Variants in ERC2 observed in about 807,000 individuals in gnomAD.
ERC2 encodes the protein ERC protein 2.
A neutral mutation model predicts 114.8 loss-of-function variants in ERC2; 42 were observed. The observed-to-expected ratio is 0.37, with a 90% CI of 0.29 to 0.47. ERC2 has a LOEUF of 0.47. Ranked by LOEUF, ERC2 falls within the 20% of genes least tolerant of loss-of-function variation. The pLI is 0.99. For synonymous variants in ERC2, 454 were observed against 425.5 expected, an observed-to-expected ratio of 1.07 and a Z score of -0.82; for missense variants, 939 against 1,150.7, an observed-to-expected ratio of 0.82 and a Z score of 2.66.
chr3:56,103,874 C>T (rs1030890179), intron 6 of ERC2, among the ~76,000 whole-genome samples: 4 of 151,770 alleles, frequency 2.6e-5, no homozygotes, highest in Admixed American at 6.6e-5. Flanking sequence ...GAGGAGTTTG[C>T]CAGGACTTAG....
chr3:55,727,224 T>C (rs1374970536), intron 15 of ERC2, among the ~76,000 whole-genome samples: 1 of 152,210 alleles, frequency 6.6e-6, no homozygotes, highest in Non-Finnish European at 1.5e-5. Flanking sequence ...GGTGGTAATT[T>C]TCTTATATTT....
chr3:56,255,305 C>T (rs1005547039), intron 3 of ERC2, among the ~76,000 whole-genome samples: 104 of 152,328 alleles, frequency 6.8e-4, no homozygotes, highest in African/African-American at 2.4e-3. Context: ...ACCCCCACCA[C>T]GGACTCCAAC....
At position 55,729,860 on chromosome 3, in the gene ERC2, AAAAAAT is replaced by A. The variant is rs1161684342; in HGVS notation, c.2712+4905_2712+4910del. Among the ~76,000 whole-genome samples, 1,186 of 147,656 alleles carry A rather than the reference AAAAAAT, an allele frequency of 8.0e-3. 39 individuals carry two copies. The highest frequency in any genetic ancestry group is 0.028 in the African/African-American group (1,107 of 39,182). On this transcript the variant is annotated intron_variant, in intron 15 of 17. Coordinates refer to ENST00000288221, the MANE Select transcript of ERC2 (RefSeq NM_015576.3). ...CGCAAAAAAAAAAAAAAAAAAAAAA[AAAAAAT>A]TGTAAGCTACACAAGGAAGCGGTCT...
At chr3:55,524,655 A>C (rs967847974) in intron 17 of ERC2, among the ~76,000 whole-genome samples, 3 of 152,152 alleles carry the variant, frequency 2.0e-5, no homozygotes, top group African/African-American at 7.2e-5. Context: ...AGTTGTCATA[A>C]ATTTTTGGAA....
Position 55,734,825 on chromosome 3 carries a change from T to C in ERC2, c.2658A>G (p.Glu886=). The C allele has an allele frequency of 1.2e-6, 2 of 1,613,356 alleles. No homozygotes were observed. Among genetic ancestry groups the C allele is most frequent in the South Asian group, 2.2e-5 (2 of 90,974 alleles). Reference sequence around the variant, plus strand: ...CTTTTTCCCGCTTGAGGGCCATGACTTCTTCCTGCGTCTTTTTCTTTTTGG... The same window carrying C: ...CTTTTTCCCGCTTGAGGGCCATGACCTCTTCCTGCGTCTTTTTCTTTTTGG... ...SASKKKKTQE[E]VMALKREKDR... Residue 886 remains glutamate, a synonymous_variant, in exon 15 of 18, where the codon GAA becomes GAG. Coordinates refer to ENST00000288221, the MANE Select transcript of ERC2 (RefSeq NM_015576.3).
intron 17 of ERC2, among the ~76,000 whole-genome samples, chr3:55,676,999 C>T (rs1203448199): frequency 1.3e-5 from 2 of 152,166 alleles, no homozygotes; most frequent in Non-Finnish European, 2.9e-5. Context: ...CAGAGAAACC[C>T]ACAAGAACTT....
intron 6 of ERC2, among the ~76,000 whole-genome samples, chr3:56,115,922 C>A (rs2079205047): frequency 6.6e-6 from 1 of 152,176 alleles, no homozygotes; most frequent in South Asian, 2.1e-4. Context: ...GGCCAGGTAC[C>A]CAACAACTAA....
intron 4 of ERC2, among the ~76,000 whole-genome samples, chr3:56,151,306 A>G (rs1293807519): frequency 2.0e-5 from 3 of 152,138 alleles, no homozygotes; most frequent in Non-Finnish European, 4.4e-5. Flanking sequence ...ACCTCAAGTG[A>G]TCCACCCACC....
intron 2 of ERC2, among the ~76,000 whole-genome samples, chr3:56,411,621 T>C (rs1173985583): frequency 4.6e-5 from 7 of 152,108 alleles, no homozygotes. Context: ...AACACTTACA[T>C]AGCATTGTTC....
intron 17 of ERC2, among the ~76,000 whole-genome samples, chr3:55,623,747 T>C (rs564198738): frequency 2.8e-4 from 43 of 152,126 alleles, no homozygotes; most frequent in Non-Finnish European, 5.9e-4. Context: ...CCCTAGCCAA[T>C]AGAGGAACGA....
At chr3:55,619,933 G>A (rs992499911) in intron 17 of ERC2, among the ~76,000 whole-genome samples, 1 of 152,064 alleles carries the variant, frequency 6.6e-6, no homozygotes, top group Non-Finnish European at 1.5e-5. Flanking sequence ...CCTCTCTAGG[G>A]GTTTCAATCA....
chr3:56,258,608 C>T (rs1442586596), intron 3 of ERC2, among the ~76,000 whole-genome samples: 2 of 152,140 alleles, frequency 1.3e-5, no homozygotes, highest in Non-Finnish European at 2.9e-5. Context: ...GAGCCAAGAT[C>T]GCGCCACTGC....
chr3:55,705,684 T>C (rs1170493591), intron 15 of ERC2, among the ~76,000 whole-genome samples: 7 of 152,060 alleles, frequency 4.6e-5, no homozygotes, highest in Non-Finnish European at 7.4e-5. Flanking sequence ...CCCAAATTCA[T>C]TCAGCTGATC....
intron 15 of ERC2, among the ~76,000 whole-genome samples, chr3:55,709,995 A>AC (rs1214282314): frequency 6.6e-6 from 1 of 152,164 alleles, no homozygotes; most frequent in Non-Finnish European, 1.5e-5. Flanking sequence ...CAGTTGAAAA[A>AC]CAAATGGGAA....
At chr3:55,820,362 T>A (rs189317011) in intron 14 of ERC2, among the ~76,000 whole-genome samples, 1 of 152,308 alleles carries the variant, frequency 6.6e-6, no homozygotes, top group Non-Finnish European at 1.5e-5. Context: ...GAATTAACAT[T>A]TTGTAGAACA....
At chr3:56,149,241 C>T (rs1327093533) in intron 4 of ERC2, 109 bp from the exon 5 acceptor site, 1 of 1,046,826 alleles carries the variant, frequency 9.6e-7, no homozygotes, top group African/African-American at 1.6e-5. Context: ...CACATATTAA[C>T]CATGGTATAG....
chr3:55,638,717 G>T (rs1349009766), intron 17 of ERC2, among the ~76,000 whole-genome samples: 1 of 152,126 alleles, frequency 6.6e-6, no homozygotes, highest in Non-Finnish European at 1.5e-5. Context: ...TATGTTGTTG[G>T]CTGGTTACCA....
intron 4 of ERC2, among the ~76,000 whole-genome samples, chr3:56,158,808 G>GTTTT (rs11440217): frequency 2.2e-4 from 33 of 150,160 alleles, no homozygotes; most frequent in Non-Finnish European, 3.4e-4. Context: ...TAACAAACTT[G>GTTTT]TTTTTTTTCA....
At chr3:56,034,923 A>T (rs904465537) in intron 7 of ERC2, among the ~76,000 whole-genome samples, 2 of 152,074 alleles carry the variant, frequency 1.3e-5, no homozygotes, top group African/African-American at 4.8e-5. Flanking sequence ...AACTAAAAAA[A>T]TAAGAACGAA....
Sources: allele counts gnomAD v4.1 joint callset (sites outside exome capture counted in the v4.1 genomes callset), GRCh38; gene constraint gnomAD v4.1.1; transcripts MANE v1.5; gene names NCBI Gene and HGNC (gene_info 2026-07-23, HGNC 2026-07-21).